POFUT3: variants seen among roughly 807,000 people sequenced by gnomAD.
POFUT3 encodes GDP-fucose protein O-fucosyltransferase 3.
chr8:33,428,280 G>A, the POFUT3 span, among the ~76,000 whole-genome samples: 50 of 152,304 alleles, frequency 3.3e-4, no homozygotes. Context: ...GAAGCAGCAC[G>A]TTCTCAACAG....
At chr8:33,312,295 G>C in the POFUT3 span, among the ~76,000 whole-genome samples, 5 of 150,904 alleles carry the variant, frequency 3.3e-5, no homozygotes, top group Admixed American at 1.3e-4. Flanking sequence ...GAGAGAGAGA[G>C]AGAGAAATTT....
At chr8:33,381,358 AT>A in the POFUT3 span, among the ~76,000 whole-genome samples, 1 of 152,152 alleles carries the variant, frequency 6.6e-6, no homozygotes, top group Non-Finnish European at 1.5e-5. Flanking sequence ...ATACTTTATC[AT>A]TCTAACTTAA....
chr8:33,413,436 T>A, the POFUT3 span, among the ~76,000 whole-genome samples: 1 of 152,116 alleles, frequency 6.6e-6, no homozygotes, highest in Non-Finnish European at 1.5e-5. Context: ...GGTGGCTGTC[T>A]GCAAACCAAG....
chr8:33,463,089 C>T, the POFUT3 span, among the ~76,000 whole-genome samples: 7 of 152,106 alleles, frequency 4.6e-5, no homozygotes, highest in Non-Finnish European at 8.8e-5. Context: ...CACAGTACTT[C>T]ACAGATCTGA....
the POFUT3 span, among the ~76,000 whole-genome samples, chr8:33,429,012 A>C: frequency 6.6e-6 from 1 of 152,348 alleles, no homozygotes; most frequent in African/African-American, 2.4e-5. Context: ...GAACAAATGC[A>C]TGATGCTAAG....
the POFUT3 span, among the ~76,000 whole-genome samples, chr8:33,329,078 T>C: frequency 1.3e-5 from 2 of 152,232 alleles, no homozygotes; most frequent in African/African-American, 4.8e-5. Context: ...GCTTTGTATA[T>C]CATACCCAAG....
At chr8:33,329,483 A>G in the POFUT3 span, among the ~76,000 whole-genome samples, 1 of 152,212 alleles carries the variant, frequency 6.6e-6, no homozygotes, top group African/African-American at 2.4e-5. Flanking sequence ...TCTACTGAAT[A>G]CTTCTCTTTA....
chr8:33,319,294 T>TAATATATAAATATATTTTATATA, the POFUT3 span, among the ~76,000 whole-genome samples: 1 of 274 alleles, frequency 3.6e-3, no homozygotes, highest in African/African-American at 9.6e-3. Context: ...TATATATATG[T>TAATATATAAATATATTTTATATA]TTATATAATA....
the POFUT3 span, among the ~76,000 whole-genome samples, chr8:33,394,582 AT>A: frequency 6.6e-6 from 1 of 151,884 alleles, no homozygotes; most frequent in Non-Finnish European, 1.5e-5. Context: ...TCACATTTAT[AT>A]TTTTCGTGGA....
At chr8:33,464,025 C>T in the POFUT3 span, among the ~76,000 whole-genome samples, 1 of 152,176 alleles carries the variant, frequency 6.6e-6, no homozygotes, top group Non-Finnish European at 1.5e-5. Flanking sequence ...CCCCAGCTGG[C>T]TTAACCTCAC....
the POFUT3 span, among the ~76,000 whole-genome samples, chr8:33,369,951 C>T: frequency 4.0e-5 from 6 of 151,806 alleles, no homozygotes; most frequent in Admixed American, 1.3e-4. Context: ...CATTTTTAGG[C>T]GAAGACTATT....
At chr8:33,446,967 C>A in the POFUT3 span, among the ~76,000 whole-genome samples, 1 of 152,112 alleles carries the variant, frequency 6.6e-6, no homozygotes, top group East Asian at 1.9e-4. Context: ...ACTGAGAAAT[C>A]CCGAAGCATC....
the POFUT3 span, among the ~76,000 whole-genome samples, chr8:33,429,829 C>T: frequency 1.1e-4 from 16 of 152,148 alleles, no homozygotes; most frequent in African/African-American, 3.6e-4. Flanking sequence ...AACCCTATCC[C>T]TACTAAAAAT....
At chr8:33,426,742 A>G in the POFUT3 span, among the ~76,000 whole-genome samples, 1 of 152,134 alleles carries the variant, frequency 6.6e-6, no homozygotes, top group African/African-American at 2.4e-5. Flanking sequence ...TACATTTGCC[A>G]GGGGAAAGGA....
the POFUT3 span, chr8:33,388,928 C>G: frequency 3.2e-6 from 5 of 1,545,572 alleles, no homozygotes. Context: ...AGATGGCCAG[C>G]CTGCTGGCTC....
the POFUT3 span, among the ~76,000 whole-genome samples, chr8:33,447,993 G>A: frequency 6.6e-6 from 1 of 151,996 alleles, no homozygotes; most frequent in African/African-American, 2.4e-5. Context: ...GGCACCTTAG[G>A]CAATTCCAAG....
At chr8:33,430,994 A>G in the POFUT3 span, among the ~76,000 whole-genome samples, 15 of 152,130 alleles carry the variant, frequency 9.9e-5, no homozygotes, top group African/African-American at 2.4e-5. Context: ...CTCAGCCTCA[A>G]GAGTTTTACG....
the POFUT3 span, among the ~76,000 whole-genome samples, chr8:33,384,608 TC>T: frequency 1.9e-3 from 284 of 152,104 alleles, 7 homozygotes; most frequent in South Asian, 0.028. Flanking sequence ...CCACCTGAGG[TC>T]AGGTGTTCAA....
chr8:33,351,294 T>C, the POFUT3 span, among the ~76,000 whole-genome samples: 1 of 152,202 alleles, frequency 6.6e-6, no homozygotes, highest in Admixed American at 6.5e-5. Flanking sequence ...GTCATAAGTG[T>C]ACGCTATAGT....
Sources: gnomAD v4.1 joint callset for allele counts (sites outside exome capture counted in the v4.1 genomes callset) on GRCh38, gnomAD v4.1.1 for gene constraint, MANE v1.5 for transcripts, NCBI Gene and HGNC (gene_info 2026-07-23, HGNC 2026-07-21) for gene names.